Variants in RESF1 observed in about 807,000 individuals in gnomAD.
RESF1 encodes retroelement silencing factor 1, also known as gonad expressed transcript.
A neutral mutation model predicts 134.7 loss-of-function variants in RESF1; 65 were observed. The observed-to-expected ratio is 0.48, with a 90% CI of 0.40 to 0.59. The LOEUF (loss-of-function observed/expected upper bound fraction) is 0.59, where lower values mean the gene tolerates loss of function less well. Among genes scored for constraint, RESF1 ranks in the 20% least tolerant of loss-of-function variants. The pLI, the probability that RESF1 is intolerant of heterozygous loss-of-function variation, is 0.00. For synonymous variants in RESF1, 762 were observed against 702.2 expected, an observed-to-expected ratio of 1.09 and a Z score of -1.35; for missense variants, 2,274 against 2,002.7, an observed-to-expected ratio of 1.14 and a Z score of -2.59.
intron 3 of RESF1, among the ~76,000 whole-genome samples, chr12:31,972,275 G>A (rs899939760): frequency 3.3e-5 from 5 of 152,022 alleles, no homozygotes; most frequent in Non-Finnish European, 7.4e-5. Context: ...GGAAGCACAG[G>A]TAAAATAACC....
chr12:31,963,175 C>G (rs556547460), intron 2 of RESF1, among the ~76,000 whole-genome samples: 2 of 152,128 alleles, frequency 1.3e-5, no homozygotes, highest in Non-Finnish European at 2.9e-5. Flanking sequence ...ACCACCCTGG[C>G]TAACAGGTGA....
chr12:31,968,221 T>TA (rs903869241), intron 2 of RESF1, among the ~76,000 whole-genome samples: 30 of 152,220 alleles, frequency 2.0e-4, no homozygotes, highest in African/African-American at 7.0e-4. Flanking sequence ...AAGTGGAACT[T>TA]AAAAAGCCAT....
intron 3 of RESF1, among the ~76,000 whole-genome samples, chr12:31,979,714 AT>A (rs766734847): frequency 5.3e-3 from 754 of 142,260 alleles, no homozygotes; most frequent in Middle Eastern, 0.011. Flanking sequence ...TGACGGGGTA[AT>A]TTTTTTTTTT....
In RESF1 at chr12:31,985,691, AATT is replaced by A. The variant is rs1471697702; in HGVS notation, c.4739_4741del (p.Leu1580del). The A allele has an allele frequency of 6.2e-6, 10 of 1,611,330 alleles. No individual in the cohort carries two copies. The African/African-American group carries it at 9.4e-5, about 15-fold the overall frequency. On this transcript the variant is annotated inframe_deletion, in exon 4 of 6. Coordinates refer to ENST00000312561, the MANE Select transcript of RESF1 (RefSeq NM_018169.4). ...CCTCCCCAAGTAAAGGATCAAAAGAAATTATATCTGAATAGAGTTGGGTTTAAA... is the reference window on the plus strand; with the variant it reads ...CCTCCCCAAGTAAAGGATCAAAAGAAATATCTGAATAGAGTTGGGTTTAAA...
intron 3 of RESF1, among the ~76,000 whole-genome samples, chr12:31,975,132 G>A (rs1312051024): frequency 6.6e-6 from 1 of 152,036 alleles, no homozygotes; most frequent in Non-Finnish European, 1.5e-5. Context: ...AAATGAGTCA[G>A]GCATGGTGGC....
rs1939892915 is a variant in RESF1, at chr12:31,984,190, C to G, written c.3235C>G (p.Gln1079Glu). Residue 1079 changes from glutamine to glutamate, a missense_variant, in exon 4 of 6, where the codon CAA becomes GAA. Coordinates refer to ENST00000312561, the MANE Select transcript of RESF1 (RefSeq NM_018169.4). ...TACACGTGAAGGTTCTGTGGGCCAGCAAACTACATACCAGACCTCAGAAGA... is the reference window on the plus strand; with the variant it reads ...TACACGTGAAGGTTCTGTGGGCCAGGAAACTACATACCAGACCTCAGAAGA... The part of the protein sequence containing the change: ...VNTREGSVGQ[Q>E]TTYQTSEDQT... 3 of 1,613,208 alleles carry G rather than the reference C, an allele frequency of 1.9e-6. No individual in the cohort carries two copies. The highest frequency in any genetic ancestry group is 1.3e-5 in the African/African-American group (1 of 74,868).
At position 31,981,681 on chromosome 12, in the gene RESF1, G is replaced by A. The variant is rs762540429; in HGVS notation, c.726G>A (p.Leu242=). The change falls in exon 4 of 6, where the codon TTG becomes TTA. Residue 242 remains leucine, a synonymous_variant. Transcript: ENST00000312561. The part of the protein sequence containing the change: ...QKQNFIPHTS[L]QVKNSQLLNS... ...AAAACTTTATACCACATACATCATT[G>A]CAAGTTAAAAATAGTCAGCTTCTAA... The A allele has an allele frequency of 6.2e-7, 1 of 1,613,692 alleles. No homozygotes were observed. The highest frequency in any genetic ancestry group is 8.5e-7 in the Non-Finnish European group (1 of 1,179,954).
Position 31,983,949 on chromosome 12 carries a change from G to C in RESF1, c.2994G>C (p.Leu998Phe). ...GAGTTATTCTAGAGAAAAGTAGTTT[G>C]GAGCATGCCACTGAAAAAAGCACAG... is the stretch of plus-strand genomic sequence containing the variant. ...TNRVILEKSS[L>F]EHATEKSTAN... Residue 998 changes from leucine (L) to phenylalanine (F), a missense_variant, in exon 4 of 6, where the codon TTG becomes TTC. Transcript: ENST00000312561. 1 of 1,613,678 alleles carries C rather than the reference G, an allele frequency of 6.2e-7. No individual in the cohort carries two copies. The highest frequency in any genetic ancestry group is 8.5e-7 in the Non-Finnish European group (1 of 1,179,924).
intron 3 of RESF1, among the ~76,000 whole-genome samples, chr12:31,978,003 C>T (rs546579943): frequency 5.1e-4 from 77 of 151,800 alleles, no homozygotes; most frequent in African/African-American, 1.8e-3. Context: ...CAGGATTTCA[C>T]CATGTTGTTC....
rs1429666284 is a variant in RESF1 at position 31,982,242 on chromosome 12, G to C, written c.1287G>C (p.Met429Ile). Residue 429 changes from methionine to isoleucine, a missense_variant, in exon 4 of 6, where the codon ATG (methionine) becomes ATC (isoleucine). By Grantham distance (10) the Met-to-Ile change is conservative (BLOSUM62 1). Coordinates refer to ENST00000312561, the MANE Select transcript of RESF1 (RefSeq NM_018169.4). ...TGATGGCAGCAGGTTGTATTAAAAT[G>C]ACTAATACTTCTTATAGTGAACCAG... ...DLLMAAGCIK[M>I]TNTSYSEPAQ... The C allele has an allele frequency of 6.2e-7, 1 of 1,613,590 alleles. No individual in the cohort carries two copies. The highest frequency in any genetic ancestry group is 1.7e-5 in the Admixed American group (1 of 59,984).
chr12:31,985,644 C>T lies in RESF1; in HGVS notation c.4689C>T (p.Asn1563=), dbSNP rs748723313. 13 of 1,612,328 alleles carry T rather than the reference C, an allele frequency of 8.1e-6. No homozygotes were observed. Among genetic ancestry groups the T allele is most frequent in the East Asian group, 2.2e-5 (1 of 44,864 alleles). The change falls in exon 4 of 6, where the codon AAC becomes AAT. Residue 1563 remains asparagine (N), a synonymous_variant. Coordinates refer to ENST00000312561, the MANE Select transcript of RESF1 (RefSeq NM_018169.4). The part of the protein sequence containing the change: ...TKLDKLTNIS[N]EAQFSQMPPQ... Reference sequence around the variant, plus strand: ...TAGACAAATTAACCAATATAAGCAACGAAGCTCAATTCAGCCAAATGCCTC... The same window carrying T: ...TAGACAAATTAACCAATATAAGCAATGAAGCTCAATTCAGCCAAATGCCTC...
At chr12:31,990,734 C>T (rs773283684) in intron 5 of RESF1, among the ~76,000 whole-genome samples, 2 of 152,200 alleles carry the variant, frequency 1.3e-5, no homozygotes, top group East Asian at 1.9e-4. Context: ...CCACTGCGCC[C>T]GGCCACATGG....
At chr12:31,973,607 A>G (rs952125686) in intron 3 of RESF1, among the ~76,000 whole-genome samples, 16 of 151,982 alleles carry the variant, frequency 1.1e-4, no homozygotes, top group African/African-American at 3.6e-4. Context: ...AAAAACTTCA[A>G]TTTAGGTCGT....
At chr12:31,991,725 AT>A (rs1360950037) in intron 5 of RESF1, among the ~76,000 whole-genome samples, 2 of 152,120 alleles carry the variant, frequency 1.3e-5, no homozygotes, top group East Asian at 3.9e-4. Flanking sequence ...TAATTTTTGT[AT>A]TTTTAGTCAA....
rs1395451462 is a variant in RESF1, at chr12:31,983,040, A to G, written c.2085A>G (p.Lys695=). The change falls in exon 4 of 6, where the codon AAA becomes AAG. Residue 695 remains lysine (K), a synonymous_variant. Coordinates refer to ENST00000312561, the MANE Select transcript of RESF1 (RefSeq NM_018169.4). ...SDTAKEKECD[K]LRTNTTAVGI... ...CTGCAAAAGAAAAGGAGTGTGATAA[A>G]CTCAGAACAAACACAACAGCAGTTG... 1.9e-6 allele frequency: 3 copies of G among 1,613,958 alleles called. 1 individual carries two copies. Among genetic ancestry groups the G allele is most frequent in the South Asian group, 2.2e-5 (2 of 91,076 alleles).
chr12:31,991,122 C>G (rs1940084895), intron 5 of RESF1, among the ~76,000 whole-genome samples: 1 of 151,458 alleles, frequency 6.6e-6, no homozygotes, highest in Non-Finnish European at 1.5e-5. Flanking sequence ...TCACCTGAGC[C>G]CAGGAGTTGA....
rs754841865 is a variant in RESF1 at position 31,985,995 on chromosome 12, TAA to T, written c.5002+40_5002+41del. The T allele has an allele frequency of 1.2e-5, 16 of 1,340,792 alleles. No homozygotes were observed. In the African/African-American group the frequency reaches 2.0e-4, roughly 16 times the overall value. The allele number at this position is 1,340,792 out of a possible 1,614,324, so 83.1% of individuals were successfully genotyped here. A position where few individuals can be genotyped will look rare whatever the true frequency, so the allele number is the denominator to read the frequency against. ...TTTCTTGGTGGTGTCTACAATATTG[TAA>T]AGAGTCGTAGGTCAATATTTGGGCT... On this transcript the variant is annotated intron_variant, in intron 4 of 5. Coordinates refer to ENST00000312561, the MANE Select transcript of RESF1 (RefSeq NM_018169.4).
intron 3 of RESF1, among the ~76,000 whole-genome samples, chr12:31,972,250 T>C (rs1939525972): frequency 1.3e-5 from 2 of 152,012 alleles, no homozygotes; most frequent in East Asian, 1.9e-4. Context: ...AATCCCAGTT[T>C]ACAGCTGGTC....
At chr12:31,961,787 G>C (rs947153578) in intron 2 of RESF1, among the ~76,000 whole-genome samples, 5 of 152,136 alleles carry the variant, frequency 3.3e-5, no homozygotes, top group African/African-American at 1.2e-4. Context: ...CAAATTCCTA[G>C]GCAGGACAAA....
Sources: gnomAD v4.1 joint callset for allele counts (sites outside exome capture counted in the v4.1 genomes callset) on GRCh38, gnomAD v4.1.1 for gene constraint, MANE v1.5 for transcripts, NCBI Gene and HGNC (gene_info 2026-07-23, HGNC 2026-07-21) for gene names.